Variants in GABRA1 observed in about 807,000 individuals in gnomAD.
The protein encoded by GABRA1 is gamma-aminobutyric acid receptor subunit alpha-1.
A neutral mutation model predicts 48.9 loss-of-function variants in GABRA1; 9 were observed. The ratio of observed to expected loss-of-function variants is 0.18; its 90% CI spans 0.11 to 0.32. GABRA1 has a LOEUF of 0.32. GABRA1 is among the 10% of genes least tolerant of loss of function. GABRA1 has a pLI of 1.00. For missense variants in GABRA1, 285 were observed against 553.8 expected, an observed-to-expected ratio of 0.51 and a Z score of 4.87; for synonymous variants, 210 against 198.7, an observed-to-expected ratio of 1.06 and a Z score of -0.48.
At chr5:161,876,204 T>A (rs1754346624) in intron 6 of GABRA1, among the ~76,000 whole-genome samples, 1 of 150,792 alleles carries the variant, frequency 6.6e-6, no homozygotes, top group Non-Finnish European at 1.5e-5. Flanking sequence ...TATATATTAG[T>A]GCTCTTGAAA....
At chr5:161,876,848 G>A (rs1431830731) in intron 6 of GABRA1, among the ~76,000 whole-genome samples, 3 of 152,124 alleles carry the variant, frequency 2.0e-5, no homozygotes, top group Non-Finnish European at 2.9e-5. Context: ...ATATTTATAA[G>A]TTCATCTAAA....
At chr5:161,894,021 A>T (rs1382118450) in intron 8 of GABRA1, among the ~76,000 whole-genome samples, 3 of 152,192 alleles carry the variant, frequency 2.0e-5, no homozygotes, top group Non-Finnish European at 2.9e-5. Context: ...ACTTCTGAGA[A>T]CTGACTACAT....
intron 6 of GABRA1, among the ~76,000 whole-genome samples, chr5:161,879,586 G>A (rs1754521746): frequency 6.6e-6 from 1 of 152,044 alleles, no homozygotes; most frequent in African/African-American, 2.4e-5. Flanking sequence ...TAAAATTTAA[G>A]GAAACAATAG....
rs1755507589 is a variant in GABRA1 at position 161,899,189 on chromosome 5, C to G, written c.*1767C>G. On this transcript the variant is annotated 3_prime_UTR_variant, in exon 10 of 10. Transcript: ENST00000393943. ...AGACAGTTGGGATCCAAACCCAAGT[C>G]TTGAGCAATGTTTTTCTCAAAAAGC... 6.6e-6 allele frequency: 1 copy of G among 152,500 alleles called. No homozygotes were observed. Among genetic ancestry groups the G allele is most frequent in the South Asian group, 2.1e-4 (1 of 4,828 alleles). 9.4% of individuals were successfully genotyped at this position (152,500 alleles called of 1,614,324 possible).
At chr5:161,850,949 G>C in intron 2 of GABRA1, 65 bp downstream of exon 2, 1 of 1,339,534 alleles carries the variant, frequency 7.5e-7, no homozygotes, top group Non-Finnish European at 1.1e-6. Flanking sequence ...TTTATCGGGG[G>C]AAGAAAATTG....
chr5:161,881,284 A>G lies in GABRA1; in HGVS notation c.560-1274A>G, dbSNP rs550620223. Among the ~76,000 whole-genome samples the G allele has an allele frequency of 3.2e-4, 49 of 152,266 alleles. 1 individual carries two copies. Among genetic ancestry groups the G allele is most frequent in the African/African-American group, 1.1e-3 (47 of 41,568 alleles). On this transcript the variant is annotated intron_variant, in intron 6 of 9. Coordinates refer to ENST00000393943, the MANE Select transcript of GABRA1 (RefSeq NM_001127644.2). Reference sequence around the variant, plus strand: ...ATGTTTAACCTCATTCTGCATCTAAATAGAAGAGAGTACGTACTATCATTC... The same window carrying G: ...ATGTTTAACCTCATTCTGCATCTAAGTAGAAGAGAGTACGTACTATCATTC...
At chr5:161,879,349 A>T (rs1021807536) in intron 6 of GABRA1, among the ~76,000 whole-genome samples, 3 of 152,192 alleles carry the variant, frequency 2.0e-5, no homozygotes, top group Non-Finnish European at 4.4e-5. Flanking sequence ...TGGGCTCTAT[A>T]GATCTGCCCA....
Position 161,895,766 on chromosome 5 carries a change from G to A in GABRA1, c.957G>A (p.Val319=). Residue 319 remains valine, a synonymous_variant, in exon 9 of 10, where the codon GTG becomes GTA. Coordinates refer to ENST00000393943, the MANE Select transcript of GABRA1 (RefSeq NM_001127644.2). ...YATAMDWFIA[V]CYAFVFSALI... is the part of the protein sequence containing the mutation. ...CAGCTATGGATTGGTTTATTGCCGTGTGCTATGCCTTTGTGTTCTCAGCTC... is the reference window on the plus strand; with the variant it reads ...CAGCTATGGATTGGTTTATTGCCGTATGCTATGCCTTTGTGTTCTCAGCTC... 1 of 1,613,880 alleles carries A rather than the reference G, an allele frequency of 6.2e-7. No homozygotes were observed. Among genetic ancestry groups the A allele is most frequent in the African/African-American group, 1.3e-5 (1 of 74,946 alleles).
At chr5:161,874,168 A>G (rs927788381) in intron 5 of GABRA1, among the ~76,000 whole-genome samples, 1 of 152,158 alleles carries the variant, frequency 6.6e-6, no homozygotes, top group Non-Finnish European at 1.5e-5. Context: ...AAAGGTAATA[A>G]AGGTAAAATC....
chr5:161,855,981 G>A (rs1757629643), intron 3 of GABRA1, among the ~76,000 whole-genome samples: 1 of 151,330 alleles, frequency 6.6e-6, no homozygotes, highest in Non-Finnish European at 1.5e-5. Context: ...CACACAAACT[G>A]TTAAAATATT....
intron 6 of GABRA1, among the ~76,000 whole-genome samples, chr5:161,876,139 G>A (rs536457672): frequency 6.4e-4 from 97 of 152,036 alleles, no homozygotes; most frequent in Non-Finnish European, 1.2e-3. Flanking sequence ...CCTAATCATA[G>A]TCTTAGAAAA....
At chr5:161,873,811 G>A (rs2113383432) in intron 5 of GABRA1, among the ~76,000 whole-genome samples, 1 of 152,252 alleles carries the variant, frequency 6.6e-6, no homozygotes, top group South Asian at 2.1e-4. Context: ...TTGATAGCTA[G>A]ACGAGAATAT....
intron 6 of GABRA1, among the ~76,000 whole-genome samples, chr5:161,879,197 C>T (rs1754500693): frequency 6.6e-6 from 1 of 152,176 alleles, no homozygotes; most frequent in Non-Finnish European, 1.5e-5. Context: ...CTGGCTCAAC[C>T]TTTTGGGCTC....
chr5:161,881,339 T>A (rs539423437), intron 6 of GABRA1, among the ~76,000 whole-genome samples: 15 of 152,300 alleles, frequency 9.8e-5, no homozygotes, highest in Admixed American at 7.9e-4. Context: ...GTTATAGGAC[T>A]AGAAATCAGA....
At chr5:161,870,150 G>A (rs745788471) in intron 4 of GABRA1, among the ~76,000 whole-genome samples, 1 of 152,040 alleles carries the variant, frequency 6.6e-6, no homozygotes, top group Admixed American at 6.5e-5. Context: ...AGAAACTGGG[G>A]ACTTAGCAAG....
intron 6 of GABRA1, among the ~76,000 whole-genome samples, chr5:161,878,341 A>G (rs1399159004): frequency 6.6e-6 from 1 of 152,170 alleles, no homozygotes; most frequent in Non-Finnish European, 1.5e-5. Flanking sequence ...AGGCAGGGGC[A>G]GTCCATTTGT....
At chr5:161,878,735 A>C (rs759755061) in intron 6 of GABRA1, among the ~76,000 whole-genome samples, 2 of 152,192 alleles carry the variant, frequency 1.3e-5, no homozygotes, top group Non-Finnish European at 2.9e-5. Context: ...ACTGCTTTTG[A>C]GAAATATACC....
intron 9 of GABRA1, among the ~76,000 whole-genome samples, chr5:161,896,395 G>T (rs1242129093): frequency 6.6e-6 from 1 of 152,018 alleles, no homozygotes; most frequent in Non-Finnish European, 1.5e-5. Context: ...TATGCTTTAG[G>T]GATCATAACA....
chr5:161,853,448 CTG>C (rs1168962806), intron 2 of GABRA1, among the ~76,000 whole-genome samples: 1 of 151,822 alleles, frequency 6.6e-6, no homozygotes, highest in African/African-American at 2.4e-5. Flanking sequence ...AACACTAAAA[CTG>C]TGCTACAGCT....
Sources: allele counts gnomAD v4.1 joint callset (sites outside exome capture counted in the v4.1 genomes callset), GRCh38; gene constraint gnomAD v4.1.1; transcripts MANE v1.5; gene names NCBI Gene and HGNC (gene_info 2026-07-23, HGNC 2026-07-21).